The following ASXL3 variants were observed in gnomAD, a reference collection of about 807,000 sequenced individuals.
ASXL3 encodes the protein ASXL transcriptional regulator 3.
Under a neutral mutation model 170.6 loss-of-function variants are expected in ASXL3, and 34 were observed. The ratio of observed to expected loss-of-function variants is 0.20; its 90% CI spans 0.15 to 0.27. ASXL3 has a LOEUF of 0.27. Among genes scored for constraint, ASXL3 ranks in the 10% least tolerant of loss-of-function variants. The pLI, the probability that ASXL3 is intolerant of heterozygous loss-of-function variation, is 1.00. For synonymous variants in ASXL3, 1,002 were observed against 989.1 expected, an observed-to-expected ratio of 1.01 and a Z score of -0.24; for missense variants, 2,592 against 2,695.3, an observed-to-expected ratio of 0.96 and a Z score of 0.85.
At chr18:33,719,129 G>A (rs1391371030) in intron 8 of ASXL3, among the ~76,000 whole-genome samples, 1 of 151,978 alleles carries the variant, frequency 6.6e-6, no homozygotes, top group Non-Finnish European at 1.5e-5. Flanking sequence ...ATAAACAGGA[G>A]AAAACAACAG....
chr18:33,715,701 G>A (rs1488264691), intron 8 of ASXL3, among the ~76,000 whole-genome samples: 2 of 152,112 alleles, frequency 1.3e-5, no homozygotes, highest in African/African-American at 4.8e-5. Context: ...AATATCTACA[G>A]AAAACCTGAG....
At chr18:33,584,494 A>G (rs1167539086) in intron 1 of ASXL3, among the ~76,000 whole-genome samples, 3 of 152,124 alleles carry the variant, frequency 2.0e-5, no homozygotes, top group Non-Finnish European at 4.4e-5. Context: ...TTGTACAGTG[A>G]TGGGGGGTGC....
intron 8 of ASXL3, among the ~76,000 whole-genome samples, chr18:33,707,693 T>A (rs944689511): frequency 6.6e-6 from 1 of 152,014 alleles, no homozygotes; most frequent in Non-Finnish European, 1.5e-5. Context: ...ATAATATCTT[T>A]GGTATAGTGT....
At chr18:33,679,059 A>G (rs1014091944) in intron 7 of ASXL3, among the ~76,000 whole-genome samples, 4 of 133,000 alleles carry the variant, frequency 3.0e-5, no homozygotes, top group Admixed American at 7.6e-5. Context: ...TGCTCATAAC[A>G]TGTTTCGGAA....
At chr18:33,728,505 A>C (rs2067384984) in intron 8 of ASXL3, among the ~76,000 whole-genome samples, 1 of 152,316 alleles carries the variant, frequency 6.6e-6, no homozygotes, top group South Asian at 2.1e-4. Flanking sequence ...TTCAGATTTC[A>C]TAGAGGTATA....
chr18:33,736,477 G>T (rs895102070), intron 10 of ASXL3, among the ~76,000 whole-genome samples: 27 of 151,432 alleles, frequency 1.8e-4, no homozygotes, highest in African/African-American at 6.6e-4. Flanking sequence ...GCCCTTCTTT[G>T]TTGCCCCCAG....
chr18:33,592,280 A>G (rs1347459811), intron 1 of ASXL3, among the ~76,000 whole-genome samples: 11 of 152,208 alleles, frequency 7.2e-5, no homozygotes, highest in Admixed American at 6.5e-4. Flanking sequence ...TAGAATCTAC[A>G]AAGAAAAAAG....
At chr18:33,723,206 T>C (rs2067291298) in intron 8 of ASXL3, among the ~76,000 whole-genome samples, 2 of 152,162 alleles carry the variant, frequency 1.3e-5, no homozygotes, top group South Asian at 4.1e-4. Flanking sequence ...AGTCTTATTA[T>C]TTAAGAAATG....
chr18:33,729,404 A>G (rs2067405687), intron 8 of ASXL3, among the ~76,000 whole-genome samples: 1 of 152,068 alleles, frequency 6.6e-6, no homozygotes, highest in Non-Finnish European at 1.5e-5. Flanking sequence ...GCTTCAGAGA[A>G]AGTCTTAGAG....
In ASXL3 at chr18:33,743,931, C is replaced by T. The variant is rs199511709; in HGVS notation, c.4083C>T (p.Pro1361=). ...PNLSTSSVLI[P]PMGINNRFPS... ...TCTCCACTAGCTCTGTCTTGATTCC[C>T]CCAATGGGAATTAACAACAGATTTC... Residue 1361 remains proline, a synonymous_variant, in exon 12 of 12, where the codon CCC becomes CCT. Coordinates refer to ENST00000269197, the MANE Select transcript of ASXL3 (RefSeq NM_030632.3). The T allele has an allele frequency of 2.5e-6, 4 of 1,613,990 alleles. No individual in the cohort carries two copies. In the African/African-American group the frequency reaches 4.0e-5, roughly 16 times the overall value.
At chr18:33,734,044 T>TGCTTTAGCATTCTTCTACAGCATTTA (rs2067500615) in intron 9 of ASXL3, among the ~76,000 whole-genome samples, 2 of 84,930 alleles carry the variant, frequency 2.4e-5, no homozygotes, top group African/African-American at 5.7e-5. Context: ...ATTTGCTAAA[T>TGCTTTAGCATTCTTCTACAGCATTTA]GCTTTAGCAT....
At chr18:33,601,269 C>CT (rs551556792) in intron 1 of ASXL3, among the ~76,000 whole-genome samples, 26 of 147,796 alleles carry the variant, frequency 1.8e-4, no homozygotes, top group South Asian at 4.3e-4. Flanking sequence ...AAGGGGCCAG[C>CT]TTTTTTTTTT....
At chr18:33,714,001 T>C (rs1045140392) in intron 8 of ASXL3, among the ~76,000 whole-genome samples, 3 of 152,154 alleles carry the variant, frequency 2.0e-5, no homozygotes, top group East Asian at 1.9e-4. Flanking sequence ...CATGGAGTCA[T>C]TTGTATGGCA....
intron 8 of ASXL3, among the ~76,000 whole-genome samples, chr18:33,697,839 CA>C (rs11376417): frequency 6.6e-6 from 1 of 151,460 alleles, no homozygotes; most frequent in Non-Finnish European, 1.5e-5. Flanking sequence ...CTCTGTCTCT[CA>C]AAAAAATCAT....
rs1428226963 is a variant in ASXL3 at position 33,739,658 on chromosome 18, A to G, written c.2254A>G (p.Thr752Ala). Reference protein sequence around the residue: ...FVSSLPLPSETSPISNSSINE... With the variant: ...FVSSLPLPSEASPISNSSINE... The stretch of plus-strand genomic sequence containing the variant: ...ATCCAGTTTGCCACTTCCTTCAGAA[A>G]CATCTCCAATTTCCAACTCTTCCAT... Residue 752 changes from threonine (T) to alanine (A), a missense_variant, in exon 11 of 12, where the codon ACA becomes GCA. Thr to Ala is a moderately conservative substitution (Grantham distance 58). Transcript: ENST00000269197. 9 of 1,613,798 alleles carry G rather than the reference A, an allele frequency of 5.6e-6. No individual in the cohort carries two copies. The highest frequency in any genetic ancestry group is 7.6e-6 in the Non-Finnish European group (9 of 1,179,866).
chr18:33,709,750 C>T (rs1268302219), intron 8 of ASXL3, among the ~76,000 whole-genome samples: 1 of 152,140 alleles, frequency 6.6e-6, no homozygotes, highest in Non-Finnish European at 1.5e-5. Context: ...ATATATGTTA[C>T]ACTTCAAGGA....
chr18:33,624,591 G>A (rs942809006), intron 2 of ASXL3, among the ~76,000 whole-genome samples: 4 of 152,062 alleles, frequency 2.6e-5, no homozygotes, highest in African/African-American at 7.2e-5. Flanking sequence ...GTAGTATCCC[G>A]ACAGTATTTC....
chr18:33,649,206 T>C (rs2065959970), intron 4 of ASXL3, among the ~76,000 whole-genome samples: 1 of 151,992 alleles, frequency 6.6e-6, no homozygotes, highest in Non-Finnish European at 1.5e-5. Context: ...AGGTGTTCTG[T>C]TATGGTTTGG....
At chr18:33,710,171 G>A (rs1034412459) in intron 8 of ASXL3, among the ~76,000 whole-genome samples, 4 of 152,108 alleles carry the variant, frequency 2.6e-5, no homozygotes, top group Non-Finnish European at 4.4e-5. Flanking sequence ...CAGGAGAATC[G>A]CTTGAACCCA....
Sources: allele counts gnomAD v4.1 joint callset (sites outside exome capture counted in the v4.1 genomes callset), GRCh38; gene constraint gnomAD v4.1.1; transcripts MANE v1.5; gene names NCBI Gene and HGNC (gene_info 2026-07-23, HGNC 2026-07-21).